KIRREL3: variants seen among roughly 807,000 people sequenced by gnomAD.
KIRREL3 encodes the protein kin of IRRE-like protein 3.
In KIRREL3, 36 loss-of-function variants were observed where a neutral mutation model predicts 89.7. The ratio of observed to expected loss-of-function variants is 0.40; its 90% CI spans 0.31 to 0.53. The LOEUF (loss-of-function observed/expected upper bound fraction) is 0.53, where lower values mean the gene tolerates loss of function less well. KIRREL3 is among the 20% of genes least tolerant of loss of function. KIRREL3 has a pLI of 0.49. For missense variants in KIRREL3, 864 were observed against 1,056.6 expected (o/e 0.82, Z 2.53); for synonymous variants, 445 against 441.4 (o/e 1.01, Z -0.10).
At chr11:126,556,153 T>G (rs1939690569) in intron 2 of KIRREL3, among the ~76,000 whole-genome samples, 1 of 152,052 alleles carries the variant, frequency 6.6e-6, no homozygotes, top group Non-Finnish European at 1.5e-5. Context: ...GACCTGGGCA[T>G]GGGGATTGGG....
chr11:126,557,842 T>C lies in KIRREL3; in HGVS notation c.133+4993A>G, dbSNP rs961897801. Among the ~76,000 whole-genome samples the C allele has an allele frequency of 1.3e-5, 2 of 152,178 alleles. No individual in the cohort carries two copies. The highest frequency in any genetic ancestry group is 2.9e-5 in the Non-Finnish European group (2 of 68,034). Reference sequence around the variant, plus strand: ...GGACCACAGTGCTGTTCGGGAGCTGTGGGCCATGCAAGAGGCTGCTAGTTA... The same window carrying C: ...GGACCACAGTGCTGTTCGGGAGCTGCGGGCCATGCAAGAGGCTGCTAGTTA... On this transcript the variant is annotated intron_variant, in intron 2 of 16. Coordinates refer to ENST00000525144, the MANE Select transcript of KIRREL3 (RefSeq NM_032531.4). This position sits in a 1 kb window ranked among gnomAD's most constrained non-coding sequence, Gnocchi z 5.6.
At chr11:126,436,756 G>T in intron 12 of KIRREL3, 55 bp downstream of exon 12, 1 of 1,591,608 alleles carries the variant, frequency 6.3e-7, no homozygotes, top group Non-Finnish European at 8.6e-7. Context: ...TAGGTGAGGA[G>T]AGGGCCCTCT....
Position 126,463,285 on chromosome 11 carries a change from C to T in KIRREL3, c.614G>A (p.Arg205Gln), listed in dbSNP as rs572991045. The change falls in exon 6 of 17, where the codon CGG (arginine) becomes CAG (glutamine). Residue 205 changes from arginine to glutamine, a missense_variant. Physicochemically the swap from Arg to Gln is conservative, Grantham distance 43. Coordinates refer to ENST00000525144, the MANE Select transcript of KIRREL3 (RefSeq NM_032531.4). This position sits in a 1 kb window ranked among gnomAD's most constrained non-coding sequence, Gnocchi z 5.9. ...YSKTLLRDGKRESIVSTLFIS... is the reference protein window; with the variant it reads ...YSKTLLRDGKQESIVSTLFIS... ...GAAGAGGGTGCTGACGATGCTCTCC[C>T]GCTTGCCGTCCCGAAGCAGGGTCTT... The T allele has an allele frequency of 1.9e-5, 30 of 1,613,456 alleles. No individual in the cohort carries two copies. Among genetic ancestry groups the T allele is most frequent in the African/African-American group, 4.0e-5 (3 of 75,030 alleles).
chr11:127,000,402 G>T lies in KIRREL3; in HGVS notation c.55+53C>A. 6.7e-7 allele frequency: 1 copy of T among 1,503,170 alleles called. No individual in the cohort carries two copies. The highest frequency in any genetic ancestry group is 9.0e-7 in the Non-Finnish European group (1 of 1,104,996). 93.1% of individuals were successfully genotyped at this position (1,503,170 alleles called of 1,614,324 possible). On this transcript the variant is annotated intron_variant, in intron 1 of 16. Coordinates refer to ENST00000525144, the MANE Select transcript of KIRREL3 (RefSeq NM_032531.4). This position sits in a 1 kb window ranked among gnomAD's most constrained non-coding sequence, Gnocchi z 7.1. Reference sequence around the variant, plus strand: ...CACGTTCCTGCCCACAGCCTCCCGCGCCCTGACAACCCAGCCGACTTTCTT... The same window carrying T: ...CACGTTCCTGCCCACAGCCTCCCGCTCCCTGACAACCCAGCCGACTTTCTT...
chr11:126,925,789 C>T (rs570072280), intron 1 of KIRREL3, among the ~76,000 whole-genome samples: 212 of 152,366 alleles, frequency 1.4e-3, no homozygotes, highest in Middle Eastern at 3.4e-3. Context: ...TGCACTGCAA[C>T]AGCCTCCCTA....
At chr11:126,863,410 C>CGTGTGTGA (rs1565362704) in intron 1 of KIRREL3, among the ~76,000 whole-genome samples, 1 of 26,832 alleles carries the variant, frequency 3.7e-5, no homozygotes, top group Non-Finnish European at 6.7e-5. Flanking sequence ...TGCGTGAGTG[C>CGTGTGTGA]GTGTGTGAGC....
chr11:126,751,545 G>C (rs1949335756), intron 1 of KIRREL3, among the ~76,000 whole-genome samples: 1 of 152,156 alleles, frequency 6.6e-6, no homozygotes, highest in South Asian at 2.1e-4. Flanking sequence ...TGTTAAGAGA[G>C]TTACGATGAT....
chr11:126,757,903 G>T (rs928434943), intron 1 of KIRREL3, among the ~76,000 whole-genome samples: 7 of 152,308 alleles, frequency 4.6e-5, no homozygotes, highest in Non-Finnish European at 7.4e-5. Context: ...AAAGGGAGCT[G>T]TCTCTAAAAT....
At chr11:126,679,276 C>A (rs903399643) in intron 1 of KIRREL3, among the ~76,000 whole-genome samples, 2 of 152,206 alleles carry the variant, frequency 1.3e-5, no homozygotes, top group Admixed American at 1.3e-4. Context: ...ACTTCTGGAC[C>A]TTTTGTTAAG....
chr11:126,534,931 C>A (rs552336615), intron 2 of KIRREL3, among the ~76,000 whole-genome samples: 1 of 152,280 alleles, frequency 6.6e-6, no homozygotes, highest in South Asian at 2.1e-4. Flanking sequence ...TCCTGATGGG[C>A]CACGTGGCGT....
chr11:126,799,400 A>ATGTG (rs1565741652), intron 1 of KIRREL3, among the ~76,000 whole-genome samples: 13 of 87,742 alleles, frequency 1.5e-4, no homozygotes, highest in South Asian at 4.6e-4. Context: ...CTGTGTGTGC[A>ATGTG]TCTATCTGTG....
At chr11:126,944,110 G>A (rs1241026204) in intron 1 of KIRREL3, among the ~76,000 whole-genome samples, 1 of 152,072 alleles carries the variant, frequency 6.6e-6, no homozygotes, top group Admixed American at 6.6e-5. Flanking sequence ...CTGAATAAAT[G>A]GGCCTTGCTA....
At chr11:126,438,541 A>C (rs1955445754) in intron 11 of KIRREL3, among the ~76,000 whole-genome samples, 1 of 152,222 alleles carries the variant, frequency 6.6e-6, no homozygotes, top group African/African-American at 2.4e-5. Flanking sequence ...GTCTCCAGGC[A>C]CTGCCAAATG....
In KIRREL3 at chr11:126,492,685, C is replaced by A. The variant is rs143301973; in HGVS notation, c.434-19219G>T. Among the ~76,000 whole-genome samples the A allele has an allele frequency of 6.6e-6, 1 of 152,282 alleles. No homozygotes were observed. Among genetic ancestry groups the A allele is most frequent in the Non-Finnish European group, 1.5e-5 (1 of 68,040 alleles). The stretch of plus-strand genomic sequence containing the variant: ...TAAATTGACTCTGAAAGGGCCTTTT[C>A]TTCCAAGCAGTTCATGCCTCAGTGA... On this transcript the variant is annotated intron_variant, in intron 4 of 16. Coordinates refer to ENST00000525144, the MANE Select transcript of KIRREL3 (RefSeq NM_032531.4). The surrounding 1 kb of genome is among the most constrained non-coding windows in gnomAD (Gnocchi z 4.8).
In KIRREL3 at chr11:126,431,284, C is replaced by T. The variant is rs1389550972; in HGVS notation, c.1696+135G>A. ...CACATACACCGATGCATCAGACCCA[C>T]TCCCTGCCCCAGGAGCTCACAGCAC... is the stretch of plus-strand genomic sequence containing the variant. On this transcript the variant is annotated intron_variant, in intron 14 of 16. Transcript: ENST00000525144. The surrounding 1 kb of genome is among the most constrained non-coding windows in gnomAD (Gnocchi z 7.1). 1 of 1,550,252 alleles carries T rather than the reference C, an allele frequency of 6.5e-7. No homozygotes were observed. Among genetic ancestry groups the T allele is most frequent in the Admixed American group, 2.0e-5 (1 of 51,008 alleles).
rs1383045048 is a variant in KIRREL3, at chr11:126,653,082, CT to C, written c.56-90171del. Among the ~76,000 whole-genome samples the C allele has an allele frequency of 6.6e-6, 1 of 152,140 alleles. No individual in the cohort carries two copies. Among genetic ancestry groups the C allele is most frequent in the Non-Finnish European group, 1.5e-5 (1 of 68,032 alleles). On this transcript the variant is annotated intron_variant, in intron 1 of 16. Coordinates refer to ENST00000525144, the MANE Select transcript of KIRREL3 (RefSeq NM_032531.4). The surrounding 1 kb of genome is among the most constrained non-coding windows in gnomAD (Gnocchi z 5.4). The stretch of plus-strand genomic sequence containing the variant: ...GAAAAAGAGAGCAGGTATAATAAAG[CT>C]TATGCCAGACACCTTGTTTGTAATT...
intron 1 of KIRREL3, among the ~76,000 whole-genome samples, chr11:126,915,122 T>TG (rs1032310212): frequency 2.0e-5 from 3 of 152,242 alleles, no homozygotes; most frequent in African/African-American, 7.2e-5. Flanking sequence ...TCAAATACTT[T>TG]GGGTTTGATA....
Position 126,768,132 on chromosome 11 carries a change from CTAT to C in KIRREL3, c.56-205223_56-205221del, listed in dbSNP as rs1565715245. ...TCTGTCCATCCATCTGTCTATCCAT[CTAT>C]CCATCCATCCATCCATCCATCCATC... is the stretch of plus-strand genomic sequence containing the variant. On this transcript the variant is annotated intron_variant, in intron 1 of 16. Transcript: ENST00000525144. The surrounding 1 kb of genome is among the most constrained non-coding windows in gnomAD (Gnocchi z 4.5). Among the ~76,000 whole-genome samples the C allele has an allele frequency of 9.6e-5, 12 of 125,060 alleles. No homozygotes were observed. The highest frequency in any genetic ancestry group is 4.1e-4 in the African/African-American group (12 of 29,222). 82.0% of individuals were successfully genotyped at this position (125,060 alleles called of 152,430 possible).
chr11:126,871,231 A>G (rs1020813862), intron 1 of KIRREL3, among the ~76,000 whole-genome samples: 2 of 152,174 alleles, frequency 1.3e-5, no homozygotes, highest in African/African-American at 4.8e-5. Context: ...AAGCAAAAAT[A>G]AGTGACTCCC....
Sources: gnomAD v4.1 joint callset for allele counts (sites outside exome capture counted in the v4.1 genomes callset) on GRCh38, gnomAD v4.1.1 for gene constraint, Gnocchi (gnomAD v3.1) non-coding constraint, MANE v1.5 for transcripts, NCBI Gene and HGNC (gene_info 2026-07-23, HGNC 2026-07-21) for gene names.